Variants in GFRAL observed in about 807,000 individuals in gnomAD.
GFRAL encodes the protein GDNF family receptor alpha like.
GFRAL carries 36 observed loss-of-function variants against 45.4 expected under a neutral mutation model. That is an observed-to-expected ratio of 0.79 (90% confidence interval 0.61 to 1.05). GFRAL has a LOEUF of 1.05. Among genes scored for constraint, GFRAL ranks in the 50% least tolerant of loss-of-function variants. The pLI is 0.00. For synonymous variants in GFRAL, 166 were observed against 154.1 expected, an observed-to-expected ratio of 1.08 and a Z score of -0.57; for missense variants, 507 against 467.5, an observed-to-expected ratio of 1.08 and a Z score of -0.78.
rs539380719 is a variant in GFRAL at position 55,364,888 on chromosome 6, G to T, written c.952+5750G>T. ...CAGGTAGCGAGATGCCTCCAGCTTT[G>T]TTCTTTTGGCTGAGGATTGACTTGG... On this transcript the variant is annotated intron_variant, in intron 6 of 8. Coordinates refer to ENST00000340465, the MANE Select transcript of GFRAL (RefSeq NM_207410.2). Among the ~76,000 whole-genome samples the T allele has an allele frequency of 2.9e-3, 444 of 152,248 alleles. 1 individual carries two copies. Among genetic ancestry groups the T allele is most frequent in the African/African-American group, 9.6e-3 (400 of 41,512 alleles).
At chr6:55,396,817 C>G (rs1295689372) in intron 6 of GFRAL, among the ~76,000 whole-genome samples, 1 of 150,764 alleles carries the variant, frequency 6.6e-6, no homozygotes, top group African/African-American at 2.4e-5. Context: ...TTCACAAGTT[C>G]TACCTCTATT....
intron 6 of GFRAL, among the ~76,000 whole-genome samples, chr6:55,376,469 G>A (rs1241536706): frequency 2.0e-5 from 3 of 151,890 alleles, no homozygotes; most frequent in South Asian, 4.2e-4. Context: ...GTAGGATTCA[G>A]GTGTTAATAC....
At position 55,351,317 on chromosome 6, in the gene GFRAL, T is replaced by C. The variant is rs1294492984; in HGVS notation, c.435T>C (p.Asn145=). The C allele has an allele frequency of 5.0e-6, 8 of 1,613,474 alleles. No homozygotes were observed. Among genetic ancestry groups the C allele is most frequent in the Non-Finnish European group, 5.9e-6 (7 of 1,179,692 alleles). Residue 145 remains asparagine (N), a synonymous_variant, in exon 5 of 9, where the codon AAT becomes AAC. Coordinates refer to ENST00000340465, the MANE Select transcript of GFRAL (RefSeq NM_207410.2). ...AEACVGDVVC[N]AQLASYLKAC... ...CATGTGTAGGGGATGTGGTCTGTAA[T>C]GCACAGTTGGCCTCTTACCTTAAAG...
At chr6:55,366,924 TG>T (rs1768372988) in intron 6 of GFRAL, among the ~76,000 whole-genome samples, 1 of 77,992 alleles carries the variant, frequency 1.3e-5, no homozygotes, top group Non-Finnish European at 2.3e-5. Context: ...TCTGTTGATT[TG>T]GGGTGGAGAG....
chr6:55,346,542 T>TG (rs1262800805), intron 3 of GFRAL, among the ~76,000 whole-genome samples: 2 of 150,948 alleles, frequency 1.3e-5, no homozygotes, highest in African/African-American at 2.4e-5. Context: ...GGGCCTGTCG[T>TG]GGGGTGGTAG....
chr6:55,359,836 C>T (rs1248798551), intron 6 of GFRAL, among the ~76,000 whole-genome samples: 1 of 151,932 alleles, frequency 6.6e-6, no homozygotes, highest in East Asian at 1.9e-4. Context: ...AATGGCCAAC[C>T]TCAGAGTCAC....
At chr6:55,352,009 A>T (rs1002039572) in intron 5 of GFRAL, among the ~76,000 whole-genome samples, 14 of 152,040 alleles carry the variant, frequency 9.2e-5, no homozygotes, top group Non-Finnish European at 2.1e-4. Flanking sequence ...CTTAGGCTGG[A>T]GATCAGGAGG....
At position 55,351,388 on chromosome 6, in the gene GFRAL, C is replaced by A. The variant is rs777891851; in HGVS notation, c.506C>A (p.Ala169Glu). 3.1e-6 allele frequency: 5 copies of A among 1,613,644 alleles called. No individual in the cohort carries two copies. Among genetic ancestry groups the A allele is most frequent in the Admixed American group, 3.3e-5 (2 of 59,920 alleles). ...CCGTGTGATCTGAAACAGTGCCAAG[C>A]AGCCATACGGTTCTTCTATCAAAAT... is the stretch of plus-strand genomic sequence containing the variant. ...GNPCDLKQCQ[A>E]AIRFFYQNIP... Residue 169 changes from alanine to glutamate, a missense_variant, in exon 5 of 9, where the codon GCA (alanine) becomes GAA (glutamate). Physicochemically the swap from Ala to Glu is moderately radical, Grantham distance 107. Coordinates refer to ENST00000340465, the MANE Select transcript of GFRAL (RefSeq NM_207410.2).
intron 5 of GFRAL, among the ~76,000 whole-genome samples, chr6:55,356,366 AT>A (rs1354761839): frequency 3.3e-5 from 5 of 152,006 alleles, no homozygotes; most frequent in Non-Finnish European, 7.4e-5. Context: ...GAGACTTTCT[AT>A]TATAGCTTCG....
chr6:55,340,430 A>C (rs1332600770), intron 3 of GFRAL, among the ~76,000 whole-genome samples: 1 of 152,138 alleles, frequency 6.6e-6, no homozygotes, highest in Non-Finnish European at 1.5e-5. Flanking sequence ...TTTTTCATTA[A>C]CTAAATATTG....
chr6:55,376,005 G>A (rs746556044), intron 6 of GFRAL, among the ~76,000 whole-genome samples: 10 of 151,908 alleles, frequency 6.6e-5, no homozygotes, highest in Non-Finnish European at 8.8e-5. Context: ...TGTCATAGAC[G>A]GCTCTTATTA....
chr6:55,348,386 C>T (rs1265854638), intron 3 of GFRAL, among the ~76,000 whole-genome samples: 1 of 151,978 alleles, frequency 6.6e-6, no homozygotes, highest in African/African-American at 2.4e-5. Context: ...CTAAAAATAA[C>T]TGTTTTGTTG....
At chr6:55,334,868 T>G (rs1007555920) in intron 3 of GFRAL, among the ~76,000 whole-genome samples, 3 of 152,216 alleles carry the variant, frequency 2.0e-5, no homozygotes, top group Non-Finnish European at 2.9e-5. Context: ...ATGTGTAAGT[T>G]TATTTTTCTT....
intron 6 of GFRAL, among the ~76,000 whole-genome samples, chr6:55,393,885 C>A (rs776960592): frequency 6.6e-6 from 1 of 152,118 alleles, no homozygotes; most frequent in Non-Finnish European, 1.5e-5. Context: ...ATCCTGATTG[C>A]TTTCCTTGTA....
chr6:55,398,142 C>T (rs944710864), intron 6 of GFRAL, among the ~76,000 whole-genome samples: 2 of 152,186 alleles, frequency 1.3e-5, no homozygotes, highest in African/African-American at 4.8e-5. Context: ...CATCATTAAG[C>T]AATGCATGAC....
At position 55,369,193 on chromosome 6, in the gene GFRAL, T is replaced by A. The variant is rs1344496690; in HGVS notation, c.952+10055T>A. On this transcript the variant is annotated intron_variant, in intron 6 of 8. Coordinates refer to ENST00000340465, the MANE Select transcript of GFRAL (RefSeq NM_207410.2). ...GAAAAGCGCAGTATTCGGGTGGGAG[T>A]GACCCGATTTTCCAGGTGCCGTCCG... 3.9e-5 allele frequency among the ~76,000 whole-genome samples: 6 copies of A among 151,912 alleles called. No individual in the cohort carries two copies. In the South Asian group the frequency reaches 1.2e-3, roughly 32 times the overall value.
intron 3 of GFRAL, among the ~76,000 whole-genome samples, chr6:55,346,761 A>G (rs1205246069): frequency 6.6e-6 from 1 of 151,974 alleles, no homozygotes; most frequent in Non-Finnish European, 1.5e-5. Flanking sequence ...AGACACTGAA[A>G]TAATTAGAAA....
intron 6 of GFRAL, among the ~76,000 whole-genome samples, chr6:55,367,807 A>G (rs1266836099): frequency 6.6e-6 from 1 of 152,024 alleles, no homozygotes; most frequent in African/African-American, 2.4e-5. Flanking sequence ...CTGCCAAGAG[A>G]TCCGCTCTTA....
intron 6 of GFRAL, among the ~76,000 whole-genome samples, chr6:55,374,759 G>T (rs1316582768): frequency 2.6e-5 from 4 of 151,954 alleles, no homozygotes; most frequent in Non-Finnish European, 2.9e-5. Context: ...ATAGTTTTGG[G>T]TTTTACATTT....
Sources: allele counts gnomAD v4.1 joint callset (sites outside exome capture counted in the v4.1 genomes callset), GRCh38; gene constraint gnomAD v4.1.1; transcripts MANE v1.5; gene names NCBI Gene and HGNC (gene_info 2026-07-23, HGNC 2026-07-21).